KSR1: variants seen among roughly 807,000 people sequenced by gnomAD.
KSR1 encodes the protein kinase suppressor of ras.
A neutral mutation model predicts 92.9 loss-of-function variants in KSR1; 35 were observed. The ratio of observed to expected loss-of-function variants is 0.38; its 90% CI spans 0.29 to 0.50. KSR1 has a LOEUF of 0.50. KSR1 is among the 20% of genes least tolerant of loss of function. KSR1 has a pLI of 0.94. For synonymous variants in KSR1, 467 were observed against 472.6 expected, an observed-to-expected ratio of 0.99 and a Z score of 0.15; for missense variants, 972 against 1,158.5, an observed-to-expected ratio of 0.84 and a Z score of 2.34.
intron 1 of KSR1, among the ~76,000 whole-genome samples, chr17:27,537,009 A>G (rs1314533720): frequency 1.3e-5 from 2 of 152,220 alleles, no homozygotes; most frequent in Admixed American, 6.5e-5. Flanking sequence ...TGACTACCCA[A>G]TGGGGAAGAA....
At chr17:27,584,723 G>T (rs1305507943) in intron 4 of KSR1, among the ~76,000 whole-genome samples, 1 of 152,190 alleles carries the variant, frequency 6.6e-6, no homozygotes, top group East Asian at 1.9e-4. Flanking sequence ...AGAGCTACCA[G>T]AACCAGCACT....
intron 1 of KSR1, among the ~76,000 whole-genome samples, chr17:27,544,030 G>A (rs771641666): frequency 2.6e-5 from 4 of 152,156 alleles, no homozygotes; most frequent in Non-Finnish European, 5.9e-5. Context: ...CACCACCCAC[G>A]TCCGCTGCCG....
chr17:27,490,150 C>G (rs567310795), intron 1 of KSR1, among the ~76,000 whole-genome samples: 1 of 152,198 alleles, frequency 6.6e-6, no homozygotes, highest in Non-Finnish European at 1.5e-5. Flanking sequence ...ACAGAAATAA[C>G]TTCTAAGTCT....
At chr17:27,565,056 G>A (rs972459134) in intron 2 of KSR1, among the ~76,000 whole-genome samples, 1 of 152,118 alleles carries the variant, frequency 6.6e-6, no homozygotes, top group Non-Finnish European at 1.5e-5. Context: ...AGCTTTTTAG[G>A]TGTTTTCTTA....
At chr17:27,579,574 T>A (rs920593719) in intron 3 of KSR1, 1 of 152,092 alleles carries the variant, frequency 6.6e-6, no homozygotes, top group African/African-American at 2.4e-5. Context: ...CAATCTCTGG[T>A]CTAAAGAAAG....
chr17:27,577,746 G>A lies in KSR1; in HGVS notation c.520+107G>A. The A allele has an allele frequency of 1.0e-6, 1 of 957,164 alleles. No homozygotes were observed. The highest frequency in any genetic ancestry group is 1.6e-6 in the Non-Finnish European group (1 of 618,428). 59.3% of individuals were successfully genotyped at this position (957,164 alleles called of 1,614,324 possible). A position where few individuals can be genotyped will look rare whatever the true frequency, so the allele number is the denominator to read the frequency against. On this transcript the variant is annotated intron_variant, in intron 3 of 20. Coordinates refer to ENST00000644974, the MANE Select transcript of KSR1 (RefSeq NM_001394583.1). This position sits in a 1 kb window ranked among gnomAD's most constrained non-coding sequence, Gnocchi z 4.5. ...GGGGCAAGCGTGGCCCAGGGTTTCT[G>A]GGGCAGCCTGGAAAGGCCAGGGTTG...
At chr17:27,593,277 G>A (rs777240147) in intron 9 of KSR1, among the ~76,000 whole-genome samples, 16 of 152,260 alleles carry the variant, frequency 1.1e-4, no homozygotes, top group Non-Finnish European at 1.9e-4. Flanking sequence ...GGGCCTCTTT[G>A]CACAGGTATG....
intron 1 of KSR1, among the ~76,000 whole-genome samples, chr17:27,526,074 T>C (rs9909951): frequency 1.3e-5 from 1 of 75,646 alleles, no homozygotes; most frequent in Non-Finnish European, 2.5e-5. Context: ...TTCTTTCTCT[T>C]TCTTTCTTTC....
rs1341738668 is a variant in KSR1 at position 27,559,825 on chromosome 17, C to T, written c.372+9117C>T. On this transcript the variant is annotated intron_variant, in intron 2 of 20. Coordinates refer to ENST00000644974, the MANE Select transcript of KSR1 (RefSeq NM_001394583.1). This position sits in a 1 kb window ranked among gnomAD's most constrained non-coding sequence, Gnocchi z 4.2. ...TGAGGAAATCAGAGCGCTTGTGAAG[C>T]GCGTGAGGAGGAGTCTGTGAGGAGG... is the stretch of plus-strand genomic sequence containing the variant. Among the ~76,000 whole-genome samples, 3 of 152,164 alleles carry T rather than the reference C, an allele frequency of 2.0e-5. No individual in the cohort carries two copies. Among genetic ancestry groups the T allele is most frequent in the South Asian group, 2.1e-4 (1 of 4,828 alleles).
intron 2 of KSR1, chr17:27,558,244 G>A (rs548296005): frequency 2.0e-5 from 3 of 150,312 alleles, no homozygotes; most frequent in Admixed American, 6.7e-5. Context: ...TTAAAATGAC[G>A]TGCAAATTTA....
In KSR1 at chr17:27,597,256, C is replaced by G; in HGVS notation, c.1300-12C>G. 6.4e-7 allele frequency: 1 copy of G among 1,568,050 alleles called. No individual in the cohort carries two copies. ...GACAGCCCTGCCATTCCCAACATCT[C>G]TGGTCCTGCAGGAGCACCCTCCGGC... On this transcript the variant is annotated splice_polypyrimidine_tract_variant and intron_variant, in intron 9 of 20. Transcript: ENST00000644974.
intron 1 of KSR1, among the ~76,000 whole-genome samples, chr17:27,489,035 A>G (rs547564638): frequency 2.0e-4 from 30 of 152,318 alleles, no homozygotes; most frequent in African/African-American, 7.2e-4. Context: ...CCAGAGCAAT[A>G]CAGAAACATT....
chr17:27,550,470 T>G, intron 1 of KSR1, 98 bp from the exon 2 acceptor site: 1 of 713,284 alleles, frequency 1.4e-6, no homozygotes. Flanking sequence ...CTCATCACAT[T>G]GCTTGTGTCT....
chr17:27,489,753 G>A (rs1014051230), intron 1 of KSR1, among the ~76,000 whole-genome samples: 1 of 113,466 alleles, frequency 8.8e-6, no homozygotes, highest in Non-Finnish European at 2.1e-5. Flanking sequence ...ATTCAGGTGT[G>A]TGGCTGTGAA....
intron 15 of KSR1, 30 bp downstream of exon 15, chr17:27,608,040 G>A: frequency 6.6e-7 from 1 of 1,515,016 alleles, no homozygotes; most frequent in East Asian, 2.3e-5. Flanking sequence ...CTGGGGGTGG[G>A]TTTCTGGCCG....
intron 1 of KSR1, among the ~76,000 whole-genome samples, chr17:27,513,380 C>T (rs904936370): frequency 6.6e-6 from 1 of 151,876 alleles, no homozygotes; most frequent in Non-Finnish European, 1.5e-5. Flanking sequence ...CACCTGAGCC[C>T]AGGAGTTCAA....
Position 27,577,561 on chromosome 17 carries a change from C to T in KSR1, c.442C>T (p.Arg148Trp). ...TGAGGCCAAGGTGAAGGAGACGCTG[C>T]GGCGCTGTGGGGCCAGCGGGGATGA... ...MNEAKVKETL[R>W]RCGASGDECG... Residue 148 changes from arginine (R) to tryptophan (W), a missense_variant, in exon 3 of 21, where the codon CGG becomes TGG. Arg to Trp is a moderately radical substitution (Grantham distance 101). This residue lies in a region of KSR1 where 611 missense variants were observed against 668.0 expected (regional missense o/e 0.91). Coordinates refer to ENST00000644974, the MANE Select transcript of KSR1 (RefSeq NM_001394583.1). This position sits in a 1 kb window ranked among gnomAD's most constrained non-coding sequence, Gnocchi z 4.5. 12 of 1,605,694 alleles carry T rather than the reference C, an allele frequency of 7.5e-6. No individual in the cohort carries two copies. The highest frequency in any genetic ancestry group is 5.6e-5 in the South Asian group (5 of 89,882).
chr17:27,495,835 A>AT (rs149207188), intron 1 of KSR1, among the ~76,000 whole-genome samples: 5,113 of 152,040 alleles, frequency 0.034, 269 homozygotes, highest in African/African-American at 0.12. Context: ...GCCTGGAATC[A>AT]TTTTTTTTAA....
At chr17:27,502,379 C>G (rs755401310) in intron 1 of KSR1, among the ~76,000 whole-genome samples, 1 of 152,202 alleles carries the variant, frequency 6.6e-6, no homozygotes, top group Non-Finnish European at 1.5e-5. Context: ...CTTGATGACC[C>G]TGAAGTATCC....
Sources: gnomAD v4.1 joint callset for allele counts (sites outside exome capture counted in the v4.1 genomes callset) on GRCh38, gnomAD v4.1.1 for gene constraint, gnomAD v4.1.1 regional missense constraint, Gnocchi (gnomAD v3.1) non-coding constraint, MANE v1.5 for transcripts, NCBI Gene and HGNC (gene_info 2026-07-23, HGNC 2026-07-21) for gene names.